The following VAV3 variants were observed in gnomAD, a reference collection of about 807,000 sequenced individuals.
VAV3 encodes the protein vav guanine nucleotide exchange factor 3, also known as guanine nucleotide exchange factor VAV3.
A neutral mutation model predicts 131.2 loss-of-function variants in VAV3; 94 were observed. The ratio of observed to expected loss-of-function variants is 0.72; its 90% CI spans 0.61 to 0.85. The LOEUF is 0.85. VAV3 is among the 40% of genes least tolerant of loss of function. The pLI, the probability that VAV3 is intolerant of heterozygous loss-of-function variation, is 0.00. For synonymous variants in VAV3, 349 were observed against 342.0 expected, an observed-to-expected ratio of 1.02 and a Z score of -0.22; for missense variants, 939 against 1,002.7, an observed-to-expected ratio of 0.94 and a Z score of 0.86.
intron 25 of VAV3, 21 bp downstream of exon 25, chr1:107,596,191 A>G: frequency 6.3e-7 from 1 of 1,598,236 alleles, no homozygotes; most frequent in Non-Finnish European, 8.5e-7. Flanking sequence ...AGCAAATTGT[A>G]TTCTCAATTA....
Position 107,785,493 on chromosome 1 carries a change from G to A in VAV3, c.322-6001C>T, listed in dbSNP as rs377205195. On this transcript the variant is annotated intron_variant, in intron 2 of 26. Coordinates refer to ENST00000370056, the MANE Select transcript of VAV3 (RefSeq NM_006113.5). ...GCTCTGCAAGGGCAATCAGGCAGCT[G>A]CATGCTAGAGCCCCAAATGCAAGAC... is the stretch of plus-strand genomic sequence containing the variant. 48 of 1,320,658 alleles carry A rather than the reference G, an allele frequency of 3.6e-5. No individual in the cohort carries two copies. The African/African-American group carries it at 6.9e-4, about 19-fold the overall frequency. The allele number at this position is 1,320,658 out of a possible 1,614,324, so 81.8% of individuals were successfully genotyped here.
chr1:107,788,882 A>G (rs1257974311), intron 2 of VAV3, among the ~76,000 whole-genome samples: 2 of 152,266 alleles, frequency 1.3e-5, no homozygotes, highest in Non-Finnish European at 2.9e-5. Flanking sequence ...TACAAAGATT[A>G]CATGGCAATT....
intron 20 of VAV3, among the ~76,000 whole-genome samples, chr1:107,631,161 T>C (rs1257893272): frequency 6.6e-6 from 1 of 152,132 alleles, no homozygotes; most frequent in Non-Finnish European, 1.5e-5. Flanking sequence ...CTATTTTTTT[T>C]TGAGACATAA....
chr1:107,603,791 A>G (rs1479549639), intron 22 of VAV3, among the ~76,000 whole-genome samples: 3 of 151,522 alleles, frequency 2.0e-5, no homozygotes, highest in African/African-American at 7.3e-5. Context: ...AATGCAGTCT[A>G]TTTAACATGC....
chr1:107,771,756 G>A (rs931518929), intron 5 of VAV3, among the ~76,000 whole-genome samples: 2 of 152,230 alleles, frequency 1.3e-5, no homozygotes, highest in Non-Finnish European at 2.9e-5. Context: ...TCAGCTGAGT[G>A]AGGACTGCCC....
chr1:107,910,817 T>C (rs545297477), intron 1 of VAV3, among the ~76,000 whole-genome samples: 5 of 151,938 alleles, frequency 3.3e-5, no homozygotes, highest in Non-Finnish European at 7.4e-5. Context: ...CCATCTCTAC[T>C]AAAAATACTA....
chr1:107,853,139 G>C (rs980999457), intron 2 of VAV3, among the ~76,000 whole-genome samples: 2 of 152,084 alleles, frequency 1.3e-5, no homozygotes, highest in East Asian at 3.8e-4. Context: ...TTCTTCTTTT[G>C]AGTTTTCCAT....
chr1:107,763,457 T>C (rs1664555541), intron 9 of VAV3, among the ~76,000 whole-genome samples: 3 of 152,196 alleles, frequency 2.0e-5, no homozygotes, highest in Non-Finnish European at 2.9e-5. Context: ...GAGCACAATT[T>C]TATATCTTTA....
intron 19 of VAV3, among the ~76,000 whole-genome samples, chr1:107,679,686 T>A (rs996022295): frequency 6.6e-6 from 1 of 152,190 alleles, no homozygotes; most frequent in Non-Finnish European, 1.5e-5. Flanking sequence ...AGTATTAAAA[T>A]TTAATTGGTA....
chr1:107,813,118 CAA>C (rs11310564), intron 2 of VAV3, among the ~76,000 whole-genome samples: 54 of 133,258 alleles, frequency 4.1e-4, no homozygotes, highest in East Asian at 2.5e-3. Context: ...GACTCCGTCT[CAA>C]AAAAAAAAAA....
intron 2 of VAV3, among the ~76,000 whole-genome samples, chr1:107,870,121 T>C (rs1242329063): frequency 6.6e-6 from 1 of 152,190 alleles, no homozygotes; most frequent in African/African-American, 2.4e-5. Flanking sequence ...CTTTTTCGTA[T>C]AATAACTTAT....
intron 18 of VAV3, among the ~76,000 whole-genome samples, chr1:107,688,175 C>A (rs1461419226): frequency 1.3e-5 from 2 of 152,150 alleles, no homozygotes; most frequent in Non-Finnish European, 2.9e-5. Context: ...TTTTCTCTAC[C>A]TAAGACCTTC....
At chr1:107,880,464 G>T (rs1295590216) in intron 1 of VAV3, among the ~76,000 whole-genome samples, 1 of 152,122 alleles carries the variant, frequency 6.6e-6, no homozygotes, top group East Asian at 1.9e-4. Flanking sequence ...AGAGATCTTG[G>T]CTTTGTCCTA....
At chr1:107,751,251 T>C (rs758069570) in intron 12 of VAV3, 49 bp from the exon 13 acceptor site, 1 of 1,404,932 alleles carries the variant, frequency 7.1e-7, no homozygotes. Flanking sequence ...CACATGAAAA[T>C]AAAAACAAAT....
chr1:107,939,318 G>A (rs2101254982), intron 1 of VAV3, among the ~76,000 whole-genome samples: 1 of 152,236 alleles, frequency 6.6e-6, no homozygotes, highest in East Asian at 1.9e-4. Flanking sequence ...TACACAGATG[G>A]TCCTAGGCTT....
In VAV3 at chr1:107,768,382, A is replaced by C. The variant is rs528616411; in HGVS notation, c.717+59T>G. The C allele has an allele frequency of 2.3e-6, 3 of 1,317,160 alleles. No homozygotes were observed. The Admixed American group carries it at 5.5e-5, about 24-fold the overall frequency. The allele number at this position is 1,317,160 out of a possible 1,614,324, so 81.6% of individuals were successfully genotyped here. A position where few individuals can be genotyped will look rare whatever the true frequency, so the allele number is the denominator to read the frequency against. ...TTAAAATAGGGATCTGGAACCCCCT[A>C]AGGAAATGAAGATTTTATTGAAGTA... On this transcript the variant is annotated intron_variant, in intron 7 of 26. Coordinates refer to ENST00000370056, the MANE Select transcript of VAV3 (RefSeq NM_006113.5).
intron 1 of VAV3, among the ~76,000 whole-genome samples, chr1:107,962,335 A>C (rs934315149): frequency 9.2e-5 from 14 of 151,836 alleles, no homozygotes; most frequent in Non-Finnish European, 2.1e-4. Flanking sequence ...GTTAGCGGCA[A>C]AATGTCTAGG....
At chr1:107,943,859 T>C (rs1247504545) in intron 1 of VAV3, among the ~76,000 whole-genome samples, 1 of 152,162 alleles carries the variant, frequency 6.6e-6, no homozygotes, top group Non-Finnish European at 1.5e-5. Context: ...TGACTAAAAA[T>C]GTCAAACCCC....
chr1:107,904,758 A>G (rs184333954), intron 1 of VAV3, among the ~76,000 whole-genome samples: 64 of 152,354 alleles, frequency 4.2e-4, no homozygotes, highest in African/African-American at 1.4e-3. Flanking sequence ...AAATTTCTCT[A>G]CCATCATGAG....
Sources: gnomAD v4.1 joint callset for allele counts (sites outside exome capture counted in the v4.1 genomes callset) on GRCh38, gnomAD v4.1.1 for gene constraint, MANE v1.5 for transcripts, NCBI Gene and HGNC (gene_info 2026-07-23, HGNC 2026-07-21) for gene names.